Variants in ACVR1 observed in about 807,000 individuals in gnomAD.
The protein encoded by ACVR1 is activin receptor type-1.
A neutral mutation model predicts 57.1 loss-of-function variants in ACVR1; 38 were observed. The ratio of observed to expected loss-of-function variants is 0.67; its 90% CI spans 0.51 to 0.87. ACVR1 has a LOEUF of 0.87. ACVR1 is among the 40% of genes least tolerant of loss of function. ACVR1 has a pLI of 0.00. For synonymous variants in ACVR1, 212 were observed against 228.1 expected (o/e 0.93, Z 0.63); for missense variants, 463 against 638.2 (o/e 0.73, Z 2.96).
At chr2:157,766,478 T>C (rs1193054305) in intron 7 of ACVR1, among the ~76,000 whole-genome samples, 1 of 152,232 alleles carries the variant, frequency 6.6e-6, no homozygotes, top group African/African-American at 2.4e-5. Flanking sequence ...CAATAATATC[T>C]TTGTGCTCAC....
At chr2:157,786,348 C>A (rs542123800) in intron 3 of ACVR1, among the ~76,000 whole-genome samples, 1 of 152,156 alleles carries the variant, frequency 6.6e-6, no homozygotes, top group Non-Finnish European at 1.5e-5. Context: ...GGAGTGCAAG[C>A]CTGACGAATA....
At chr2:157,778,484 C>G (rs898710015) in intron 4 of ACVR1, 142 bp from the exon 5 acceptor site, 3 of 703,574 alleles carry the variant, frequency 4.3e-6, no homozygotes, top group Non-Finnish European at 7.3e-6. Context: ...AAAACACTTC[C>G]TAATGCCTGG....
At chr2:157,858,567 G>T (rs1343253476) in intron 1 of ACVR1, among the ~76,000 whole-genome samples, 1 of 152,142 alleles carries the variant, frequency 6.6e-6, no homozygotes, top group Non-Finnish European at 1.5e-5. Flanking sequence ...CATCTTGAGG[G>T]TTCAAGAGAT....
chr2:157,778,664 G>A (rs141017803), intron 4 of ACVR1, among the ~76,000 whole-genome samples: 132 of 152,110 alleles, frequency 8.7e-4, no homozygotes, highest in Middle Eastern at 3.4e-3. Flanking sequence ...GGTATGTTTC[G>A]CCATCAAGCC....
chr2:157,827,454 A>T (rs1018086445), intron 1 of ACVR1, among the ~76,000 whole-genome samples: 4 of 152,228 alleles, frequency 2.6e-5, no homozygotes, highest in African/African-American at 9.7e-5. Context: ...ACATACCCAT[A>T]ATTATGTCAG....
At chr2:157,747,884 C>T (rs1685033664) in intron 9 of ACVR1, among the ~76,000 whole-genome samples, 1 of 152,042 alleles carries the variant, frequency 6.6e-6, no homozygotes, top group African/African-American at 2.4e-5. Flanking sequence ...AGGAGATACC[C>T]TTATCTCCCC....
At chr2:157,778,366 A>T (rs1686374873) in intron 4 of ACVR1, 24 bp from the exon 5 acceptor site, 1 of 1,584,934 alleles carries the variant, frequency 6.3e-7, no homozygotes, top group Non-Finnish European at 8.6e-7. Context: ...GAAAAGGGGG[A>T]ATTAGTTGTA....
chr2:157,766,344 C>T (rs1685859899), intron 7 of ACVR1, 148 bp from the exon 8 acceptor site: 1 of 781,734 alleles, frequency 1.3e-6, no homozygotes, highest in South Asian at 1.7e-5. Flanking sequence ...TTTACAGAAG[C>T]ATCAACAGAG....
intron 1 of ACVR1, among the ~76,000 whole-genome samples, chr2:157,861,639 T>C (rs978157628): frequency 7.9e-5 from 12 of 152,244 alleles, no homozygotes; most frequent in Admixed American, 1.3e-4. Context: ...CCTCTAAATC[T>C]GTGTTCATCC....
intron 1 of ACVR1, among the ~76,000 whole-genome samples, chr2:157,820,591 A>G (rs1030540060): frequency 8.9e-5 from 13 of 145,396 alleles, no homozygotes; most frequent in African/African-American, 3.1e-4. Context: ...TTTTTTTCTC[A>G]TTATAAAGGT....
At chr2:157,798,268 T>A (rs1423999433) in intron 3 of ACVR1, among the ~76,000 whole-genome samples, 1 of 152,064 alleles carries the variant, frequency 6.6e-6, no homozygotes, top group Non-Finnish European at 1.5e-5. Flanking sequence ...ATAACTAGTA[T>A]ATAAATCAAG....
At chr2:157,802,532 AC>A (rs1489370691) in intron 2 of ACVR1, among the ~76,000 whole-genome samples, 3 of 150,296 alleles carry the variant, frequency 2.0e-5, no homozygotes, top group Non-Finnish European at 4.4e-5. Flanking sequence ...CATTATTATC[AC>A]CCCCACCAGC....
At chr2:157,785,679 C>T (rs1686688070) in intron 3 of ACVR1, among the ~76,000 whole-genome samples, 1 of 152,182 alleles carries the variant, frequency 6.6e-6, no homozygotes, top group Non-Finnish European at 1.5e-5. Flanking sequence ...ATCCGAGAGA[C>T]TGACACCTAG....
At chr2:157,824,294 C>G (rs1436114118) in intron 1 of ACVR1, among the ~76,000 whole-genome samples, 2 of 151,930 alleles carry the variant, frequency 1.3e-5, no homozygotes, top group Non-Finnish European at 2.9e-5. Context: ...ATGGCGAGAC[C>G]CCATCTCTAC....
At chr2:157,824,991 C>T (rs1226011492) in intron 1 of ACVR1, among the ~76,000 whole-genome samples, 1 of 152,122 alleles carries the variant, frequency 6.6e-6, no homozygotes, top group Non-Finnish European at 1.5e-5. Flanking sequence ...AGTGATCTGC[C>T]CACCTCAGTC....
intron 1 of ACVR1, among the ~76,000 whole-genome samples, chr2:157,840,087 G>T (rs1387374944): frequency 6.6e-6 from 1 of 152,312 alleles, no homozygotes; most frequent in African/African-American, 2.4e-5. Flanking sequence ...AGAAAAGAAA[G>T]TGTGATTTTC....
At chr2:157,849,639 T>A (rs1206932477) in intron 1 of ACVR1, among the ~76,000 whole-genome samples, 1 of 152,250 alleles carries the variant, frequency 6.6e-6, no homozygotes. Flanking sequence ...TTTGGCACAC[T>A]ACACATAGGC....
intron 1 of ACVR1, among the ~76,000 whole-genome samples, chr2:157,851,853 A>G (rs1689313939): frequency 7.3e-6 from 1 of 136,406 alleles, no homozygotes; most frequent in African/African-American, 2.8e-5. Context: ...AGGGAGACAG[A>G]GAAACACACA....
intron 9 of ACVR1, among the ~76,000 whole-genome samples, chr2:157,748,478 C>A (rs985958828): frequency 6.6e-6 from 1 of 152,090 alleles, no homozygotes; most frequent in Non-Finnish European, 1.5e-5. Context: ...ATGAAGCTGA[C>A]GTGCAATTTC....
Sources: allele counts gnomAD v4.1 joint callset (sites outside exome capture counted in the v4.1 genomes callset), GRCh38; gene constraint gnomAD v4.1.1; transcripts MANE v1.5; gene names NCBI Gene and HGNC (gene_info 2026-07-23, HGNC 2026-07-21).